The following MFHAS1 variants were observed in gnomAD, a reference collection of about 807,000 sequenced individuals.
The protein encoded by MFHAS1 is multifunctional ROCO family signaling regulator 1, also known as malignant fibrous histiocytoma-amplified sequence 1.
A neutral mutation model predicts 70.4 loss-of-function variants in MFHAS1; 50 were observed. The observed-to-expected ratio is 0.71, with a 90% CI of 0.57 to 0.90. MFHAS1 has a LOEUF of 0.90. MFHAS1 is among the 40% of genes least tolerant of loss of function. MFHAS1 has a pLI of 0.00. For missense variants in MFHAS1, 1,795 were observed against 1,347.6 expected, an observed-to-expected ratio of 1.33 and a Z score of -5.20; for synonymous variants, 952 against 620.0, an observed-to-expected ratio of 1.54 and a Z score of -7.96.
chr8:8,864,320 C>G (rs1287678636), intron 1 of MFHAS1, among the ~76,000 whole-genome samples: 11 of 152,220 alleles, frequency 7.2e-5, no homozygotes, highest in Admixed American at 7.2e-4. Context: ...ATGAGGGCCG[C>G]CCACTGCACG....
At chr8:8,856,722 C>A (rs1808452959) in intron 1 of MFHAS1, among the ~76,000 whole-genome samples, 1 of 152,064 alleles carries the variant, frequency 6.6e-6, no homozygotes, top group Admixed American at 6.6e-5. Context: ...CAGCACAGAG[C>A]ATCCCCATGG....
chr8:8,829,137 G>A (rs952998624), intron 1 of MFHAS1, among the ~76,000 whole-genome samples: 5 of 152,142 alleles, frequency 3.3e-5, no homozygotes, highest in African/African-American at 1.2e-4. Flanking sequence ...AAACTTTTCA[G>A]GGACCCCAAT....
intron 1 of MFHAS1, among the ~76,000 whole-genome samples, chr8:8,800,117 T>C (rs1353788618): frequency 3.3e-5 from 5 of 152,248 alleles, no homozygotes; most frequent in Admixed American, 3.3e-4. Context: ...AAAAACGCTA[T>C]TTTTAATTAA....
At position 8,891,628 on chromosome 8, in the gene MFHAS1, G is replaced by A. The variant is rs1229968270; in HGVS notation, c.1431C>T (p.Asp477=). The A allele has an allele frequency of 3.1e-6, 5 of 1,613,512 alleles. No homozygotes were observed. Among genetic ancestry groups the A allele is most frequent in the African/African-American group, 2.7e-5 (2 of 74,946 alleles). The change falls in exon 1 of 3, where the codon GAC becomes GAT. Residue 477 remains aspartate (D), a synonymous_variant. Transcript: ENST00000276282. This position sits in a 1 kb window ranked among gnomAD's most constrained non-coding sequence, Gnocchi z 5.4. Reference sequence around the variant, plus strand: ...CCTCATAACTTTCATCCCCAGCTAAGTCATACACGATGAACCGCAGGCCCC... The same window carrying A: ...CCTCATAACTTTCATCCCCAGCTAAATCATACACGATGAACCGCAGGCCCC... ...ASRGLRFIVY[D]LAGDESYEVI...
intron 1 of MFHAS1, among the ~76,000 whole-genome samples, chr8:8,882,539 G>A (rs1313218221): frequency 1.3e-5 from 2 of 152,180 alleles, no homozygotes; most frequent in South Asian, 4.1e-4. Flanking sequence ...TTGAACCCGG[G>A]AAGCAGACGT....
At chr8:8,797,891 G>A (rs1805964575) in intron 1 of MFHAS1, among the ~76,000 whole-genome samples, 1 of 152,168 alleles carries the variant, frequency 6.6e-6, no homozygotes, top group African/African-American at 2.4e-5. Context: ...ATTTGGGGCA[G>A]ATGGGACTCA....
chr8:8,800,518 G>C (rs570500401), intron 1 of MFHAS1, among the ~76,000 whole-genome samples: 5 of 152,278 alleles, frequency 3.3e-5, no homozygotes, highest in Admixed American at 1.3e-4. Flanking sequence ...AAGTCCCACA[G>C]AGAGCTGCAG....
At chr8:8,877,610 T>C (rs2116921992) in intron 1 of MFHAS1, among the ~76,000 whole-genome samples, 1 of 152,294 alleles carries the variant, frequency 6.6e-6, no homozygotes, top group South Asian at 2.1e-4. Flanking sequence ...TACTCCGACA[T>C]AGTGAAAGTG....
intron 1 of MFHAS1, among the ~76,000 whole-genome samples, chr8:8,884,081 C>A (rs373051017): frequency 3.7e-4 from 46 of 123,570 alleles, no homozygotes; most frequent in African/African-American, 1.2e-3. Flanking sequence ...CACACACACA[C>A]AAAAAGAAAA....
At chr8:8,811,775 C>T (rs968765749) in intron 1 of MFHAS1, among the ~76,000 whole-genome samples, 8 of 152,338 alleles carry the variant, frequency 5.3e-5, no homozygotes, top group African/African-American at 1.4e-4. Flanking sequence ...CATCCATCCC[C>T]GAATCCATAA....
chr8:8,870,894 A>G (rs926749319), intron 1 of MFHAS1, among the ~76,000 whole-genome samples: 1 of 152,252 alleles, frequency 6.6e-6, no homozygotes, highest in East Asian at 1.9e-4. Context: ...AAAAGCAACC[A>G]TGTGCATTTC....
At chr8:8,850,179 A>C (rs1383148832) in intron 1 of MFHAS1, among the ~76,000 whole-genome samples, 4 of 152,220 alleles carry the variant, frequency 2.6e-5, no homozygotes, top group Admixed American at 1.3e-4. Flanking sequence ...AACATTTATA[A>C]ACCATTAACT....
rs1809982351 is a variant in MFHAS1, at chr8:8,890,825, G to C, written c.2234C>G (p.Pro745Arg). The change falls in exon 1 of 3, where the codon CCC (proline) becomes CGC (arginine). Residue 745 changes from proline to arginine, a missense_variant. By Grantham distance (103) the Pro-to-Arg change is moderately radical. Coordinates refer to ENST00000276282, the MANE Select transcript of MFHAS1 (RefSeq NM_004225.3). ...GAGCAGCTTATGCAGCAGCAAAGAG[G>C]GATCCCTCTGGAAGAAGACATTGAG... ...DILNVFFQRDPSLLLHKLLLG... is the reference protein window; with the variant it reads ...DILNVFFQRDRSLLLHKLLLG... 5 of 1,614,206 alleles carry C rather than the reference G, an allele frequency of 3.1e-6. No homozygotes were observed. In the East Asian group the frequency reaches 8.9e-5, roughly 29 times the overall value.
At chr8:8,794,774 G>C (rs947944490) in intron 2 of MFHAS1, among the ~76,000 whole-genome samples, 9 of 152,062 alleles carry the variant, frequency 5.9e-5, no homozygotes, top group African/African-American at 1.9e-4. Context: ...CTGATAGCTA[G>C]GTCAAAAGTG....
intron 1 of MFHAS1, among the ~76,000 whole-genome samples, chr8:8,861,298 T>C (rs183627020): frequency 3.3e-5 from 5 of 152,322 alleles, no homozygotes; most frequent in Non-Finnish European, 7.3e-5. Flanking sequence ...GCAAACAAAA[T>C]TTCTACTATA....
intron 2 of MFHAS1, among the ~76,000 whole-genome samples, chr8:8,792,645 G>A (rs1380414856): frequency 5.3e-5 from 8 of 152,086 alleles, no homozygotes; most frequent in Non-Finnish European, 7.4e-5. Context: ...AAAACTTACT[G>A]ACTGCATGAA....
At chr8:8,876,309 A>T (rs1809291557) in intron 1 of MFHAS1, among the ~76,000 whole-genome samples, 1 of 152,222 alleles carries the variant, frequency 6.6e-6, no homozygotes, top group Admixed American at 6.5e-5. Flanking sequence ...TATAAAGCAA[A>T]TACAAACAAA....
In MFHAS1 at chr8:8,890,825, G is replaced by A; in HGVS notation, c.2234C>T (p.Pro745Leu). The stretch of plus-strand genomic sequence containing the variant: ...GAGCAGCTTATGCAGCAGCAAAGAG[G>A]GATCCCTCTGGAAGAAGACATTGAG... ...DILNVFFQRD[P>L]SLLLHKLLLG... The change falls in exon 1 of 3, where the codon CCC (proline) becomes CTC (leucine). Residue 745 changes from proline (P) to leucine (L), a missense_variant. Transcript: ENST00000276282. 1 of 1,614,206 alleles carries A rather than the reference G, an allele frequency of 6.2e-7. No individual in the cohort carries two copies. Among genetic ancestry groups the A allele is most frequent in the African/African-American group, 1.3e-5 (1 of 75,064 alleles).
At chr8:8,839,250 T>A (rs890444072) in intron 1 of MFHAS1, among the ~76,000 whole-genome samples, 30 of 152,108 alleles carry the variant, frequency 2.0e-4, no homozygotes, top group African/African-American at 7.2e-4. Context: ...AAAATAAAGT[T>A]TTTTTTTCTT....
Sources: allele counts gnomAD v4.1 joint callset (sites outside exome capture counted in the v4.1 genomes callset), GRCh38; gene constraint gnomAD v4.1.1; non-coding constraint Gnocchi (gnomAD v3.1); transcripts MANE v1.5; gene names NCBI Gene and HGNC (gene_info 2026-07-23, HGNC 2026-07-21).